WDR76: variants seen among roughly 807,000 people sequenced by gnomAD.
WDR76 encodes the protein WD repeat-containing protein 76.
A neutral mutation model predicts 70.2 loss-of-function variants in WDR76; 52 were observed. The ratio of observed to expected loss-of-function variants is 0.74; its 90% CI spans 0.59 to 0.93. The LOEUF is 0.93. WDR76 is among the 40% of genes least tolerant of loss of function. WDR76 has a pLI of 0.00. For missense variants in WDR76, 756 were observed against 760.2 expected (o/e 0.99, Z 0.07); for synonymous variants, 292 against 271.1 (o/e 1.08, Z -0.76).
chr15:43,838,503 C>T (rs1300013868), intron 4 of WDR76, among the ~76,000 whole-genome samples: 3 of 152,204 alleles, frequency 2.0e-5, no homozygotes, highest in Non-Finnish European at 4.4e-5. Flanking sequence ...TATAGTTTTA[C>T]TACCAGTGAG....
intron 10 of WDR76, chr15:43,857,450 A>C: frequency 1.1e-5 from 11 of 985,264 alleles, no homozygotes; most frequent in Non-Finnish European, 1.3e-5. Context: ...TAAATTTCAC[A>C]GAAAAAAAAG....
chr15:43,849,375 T>C (rs181380002), intron 8 of WDR76, among the ~76,000 whole-genome samples: 81 of 152,230 alleles, frequency 5.3e-4, no homozygotes, highest in African/African-American at 1.9e-3. Flanking sequence ...CATTTTCTTA[T>C]ATTATTTTGA....
rs1295547903 is a variant in WDR76, at chr15:43,839,605, A to G, written c.609A>G (p.Arg203=). Residue 203 remains arginine, a splice_region_variant and synonymous_variant, in exon 5 of 13, where the codon AGA becomes AGG. Transcript: ENST00000263795. The part of the protein sequence containing the change: ...IEKRQPPKSK[R]KKPKRENGIG... The stretch of plus-strand genomic sequence containing the variant: ...CATGAGTTTTTCCCCACTCCTTTAG[A>G]AAGAAGCCTAAGAGAGAAAATGGGA... 6.2e-7 allele frequency: 1 copy of G among 1,607,198 alleles called. No homozygotes were observed. Among genetic ancestry groups the G allele is most frequent in the South Asian group, 1.1e-5 (1 of 89,316 alleles).
chr15:43,845,861 G>A (rs2087782075), intron 8 of WDR76, among the ~76,000 whole-genome samples: 1 of 150,410 alleles, frequency 6.6e-6, no homozygotes, highest in Non-Finnish European at 1.5e-5. Flanking sequence ...GACAATTAAT[G>A]AAGGTGAAGA....
intron 8 of WDR76, among the ~76,000 whole-genome samples, chr15:43,847,309 G>C (rs1322419960): frequency 2.6e-5 from 4 of 151,850 alleles, no homozygotes. Flanking sequence ...CACCCAGGCT[G>C]GAGTGCTGTG....
chr15:43,846,280 C>T (rs2087787100), intron 8 of WDR76, among the ~76,000 whole-genome samples: 1 of 139,110 alleles, frequency 7.2e-6, no homozygotes, highest in South Asian at 2.3e-4. Context: ...TGGATAGAGA[C>T]TTTTTTTTTT....
intron 5 of WDR76, 45 bp downstream of exon 5, chr15:43,839,773 G>T: frequency 6.6e-7 from 1 of 1,525,476 alleles, no homozygotes; most frequent in Non-Finnish European, 8.8e-7. Flanking sequence ...ATAAAATACT[G>T]AAAAATTTGA....
intron 12 of WDR76, 43 bp downstream of exon 12, chr15:43,861,429 G>A (rs1205264555): frequency 6.5e-7 from 1 of 1,550,106 alleles, no homozygotes; most frequent in Non-Finnish European, 8.9e-7. Context: ...GGATTACTAT[G>A]AACTATTTGT....
intron 7 of WDR76, among the ~76,000 whole-genome samples, chr15:43,843,505 T>G (rs1319774666): frequency 6.6e-6 from 1 of 152,210 alleles, no homozygotes; most frequent in African/African-American, 2.4e-5. Flanking sequence ...ATGGATATGA[T>G]AGTGGATTAT....
At chr15:43,864,243 A>G (rs569285788) in intron 12 of WDR76, among the ~76,000 whole-genome samples, 1 of 152,338 alleles carries the variant, frequency 6.6e-6, no homozygotes, top group South Asian at 2.1e-4. Flanking sequence ...TATCTCATAG[A>G]TAGTTCATTT....
intron 7 of WDR76, among the ~76,000 whole-genome samples, chr15:43,843,652 T>C (rs2087752814): frequency 1.3e-5 from 2 of 152,178 alleles, no homozygotes; most frequent in Non-Finnish European, 1.5e-5. Flanking sequence ...GAACTTACTC[T>C]TCCACTAGCA....
chr15:43,840,008 C>A (rs766477408), intron 5 of WDR76, among the ~76,000 whole-genome samples: 7 of 152,044 alleles, frequency 4.6e-5, no homozygotes, highest in Non-Finnish European at 1.0e-4. Context: ...CAGGCACATG[C>A]CACCATACCT....
chr15:43,829,850 C>G (rs983605656), intron 2 of WDR76, among the ~76,000 whole-genome samples: 3 of 151,896 alleles, frequency 2.0e-5, no homozygotes, highest in Non-Finnish European at 4.4e-5. Context: ...AAGCAAATGA[C>G]CTTAGGGGAT....
At position 43,827,145 on chromosome 15, in the gene WDR76, G is replaced by A. The variant is rs1046584589; in HGVS notation, c.60+53G>A. The A allele has an allele frequency of 2.4e-5, 38 of 1,613,008 alleles. No homozygotes were observed. The South Asian group carries it at 2.6e-4, about 11-fold the overall frequency. ...TGTGCTCCTGCCTCGGTTTTTGTGA[G>A]GGTTATGCGGGACACAGGCCCAGGA... On this transcript the variant is annotated intron_variant, in intron 1 of 12. Transcript: ENST00000263795.
At position 43,828,307 on chromosome 15, in the gene WDR76, A is replaced by T. The variant is rs1427344441; in HGVS notation, c.403A>T (p.Ser135Cys). ...GAGAACGGCAGATGCGATGAATCTC[A>T]GTGTTGATGTGGAAAGTAGTCAGGA... The part of the protein sequence containing the change: ...PKRTADAMNL[S>C]VDVESSQDGD... The change falls in exon 2 of 13, where the codon AGT becomes TGT. Residue 135 changes from serine (S) to cysteine (C), a missense_variant. Coordinates refer to ENST00000263795, the MANE Select transcript of WDR76 (RefSeq NM_024908.4). 1.2e-6 allele frequency: 2 copies of T among 1,614,118 alleles called. No homozygotes were observed. The highest frequency in any genetic ancestry group is 1.3e-5 in the African/African-American group (1 of 75,058).
chr15:43,849,582 A>C (rs2087831318), intron 8 of WDR76, among the ~76,000 whole-genome samples: 1 of 152,092 alleles, frequency 6.6e-6, no homozygotes, highest in African/African-American at 2.4e-5. Flanking sequence ...TTTGTCGCCC[A>C]GGCTGGAGTT....
intron 5 of WDR76, among the ~76,000 whole-genome samples, chr15:43,840,760 C>T (rs543882890): frequency 5.3e-5 from 8 of 151,996 alleles, no homozygotes; most frequent in Non-Finnish European, 1.2e-4. Context: ...AGGAGGATCG[C>T]TTGAACCCAG....
At chr15:43,837,637 A>T (rs1022090678) in intron 4 of WDR76, among the ~76,000 whole-genome samples, 4 of 152,158 alleles carry the variant, frequency 2.6e-5, no homozygotes, top group African/African-American at 7.2e-5. Flanking sequence ...TTCTTTCTGT[A>T]AAGCTGGCAT....
chr15:43,855,532 G>C (rs1005687069), intron 9 of WDR76, among the ~76,000 whole-genome samples: 4 of 152,126 alleles, frequency 2.6e-5, no homozygotes, highest in Non-Finnish European at 5.9e-5. Flanking sequence ...TATAACACTT[G>C]TTTTTAAAAC....
Sources: gnomAD v4.1 joint callset for allele counts (sites outside exome capture counted in the v4.1 genomes callset) on GRCh38, gnomAD v4.1.1 for gene constraint, MANE v1.5 for transcripts, NCBI Gene and HGNC (gene_info 2026-07-23, HGNC 2026-07-21) for gene names.